The following GRM8 variants were observed in gnomAD, a reference collection of about 807,000 sequenced individuals.
GRM8 encodes the protein metabotropic glutamate receptor 8.
Under a neutral mutation model 87.2 loss-of-function variants are expected in GRM8, and 47 were observed. That is an observed-to-expected ratio of 0.54 (90% CI 0.43 to 0.69). GRM8 has a LOEUF of 0.69. GRM8 is among the 30% of genes least tolerant of loss of function. GRM8 has a pLI of 0.00. For synonymous variants in GRM8, 396 were observed against 404.5 expected (o/e 0.98, Z 0.25); for missense variants, 1,019 against 1,139.2 (o/e 0.89, Z 1.52).
chr7:126,797,726 T>A (rs1045231911), intron 6 of GRM8, among the ~76,000 whole-genome samples: 1 of 152,120 alleles, frequency 6.6e-6, no homozygotes, highest in Non-Finnish European at 1.5e-5. Context: ...GGTCTAATCA[T>A]TGTATAAAAA....
At chr7:127,185,129 T>G (rs1261572830) in intron 2 of GRM8, among the ~76,000 whole-genome samples, 1 of 152,094 alleles carries the variant, frequency 6.6e-6, no homozygotes, top group Non-Finnish European at 1.5e-5. Flanking sequence ...GTTTATCCAT[T>G]TAAGTTTTAA....
chr7:126,988,107 G>A (rs1342047102), intron 3 of GRM8, among the ~76,000 whole-genome samples: 1 of 152,000 alleles, frequency 6.6e-6, no homozygotes, highest in Non-Finnish European at 1.5e-5. Context: ...GATGCACTGA[G>A]CTTTTCAAAC....
intron 9 of GRM8, among the ~76,000 whole-genome samples, chr7:126,532,719 G>A (rs980958819): frequency 2.1e-5 from 3 of 141,030 alleles, no homozygotes; most frequent in Non-Finnish European, 3.0e-5. Flanking sequence ...GGAAAATCAG[G>A]CTTTGTCAAC....
intron 2 of GRM8, among the ~76,000 whole-genome samples, chr7:127,144,633 G>C (rs533474184): frequency 4.3e-4 from 66 of 152,180 alleles, no homozygotes; most frequent in African/African-American, 1.3e-3. Flanking sequence ...TTCAAATGTT[G>C]CTCAAATGAA....
intron 7 of GRM8, among the ~76,000 whole-genome samples, chr7:126,700,211 T>C (rs972843261): frequency 7.2e-5 from 11 of 152,120 alleles, no homozygotes; most frequent in African/African-American, 1.9e-4. Flanking sequence ...ATCTAGACAA[T>C]GAATGAATAT....
intron 2 of GRM8, among the ~76,000 whole-genome samples, chr7:127,120,455 A>G (rs1827014233): frequency 6.6e-6 from 1 of 152,224 alleles, no homozygotes; most frequent in African/African-American, 2.4e-5. Flanking sequence ...CCACAGCATC[A>G]GCATCACCTG....
chr7:126,568,534 C>A (rs2150979742), intron 8 of GRM8, among the ~76,000 whole-genome samples: 1 of 152,160 alleles, frequency 6.6e-6, no homozygotes, highest in Non-Finnish European at 1.5e-5. Flanking sequence ...CCTCTGCAGA[C>A]TATTATTTAA....
rs574034440 is a variant in GRM8, at chr7:126,709,566, C to T, written c.1357+60299G>A. Among the ~76,000 whole-genome samples the T allele has an allele frequency of 1.9e-4, 29 of 152,192 alleles. No homozygotes were observed. The South Asian group carries it at 5.6e-3, about 29-fold the overall frequency. ...TGTGGAGAAAATGAATCCTTGTACA[C>T]TGTTGGTGGGAATGTACTAGAACAG... is the stretch of plus-strand genomic sequence containing the variant. On this transcript the variant is annotated intron_variant, in intron 7 of 10. Transcript: ENST00000339582.
At chr7:127,124,500 T>G (rs1335853702) in intron 2 of GRM8, among the ~76,000 whole-genome samples, 2 of 152,186 alleles carry the variant, frequency 1.3e-5, no homozygotes, top group Non-Finnish European at 2.9e-5. Flanking sequence ...TGAGGTTCCC[T>G]GAGGCCTGAC....
intron 7 of GRM8, among the ~76,000 whole-genome samples, chr7:126,752,319 C>T (rs927719235): frequency 6.6e-6 from 1 of 152,036 alleles, no homozygotes; most frequent in African/African-American, 2.4e-5. Flanking sequence ...AAAAAAATGA[C>T]TATGAAAATT....
chr7:127,002,204 A>T (rs1247609362), intron 3 of GRM8, among the ~76,000 whole-genome samples: 1 of 151,692 alleles, frequency 6.6e-6, no homozygotes, highest in Non-Finnish European at 1.5e-5. Context: ...TCAGTAAAGA[A>T]GATTTTAAGA....
At chr7:126,871,210 C>G (rs1799065725) in intron 6 of GRM8, among the ~76,000 whole-genome samples, 1 of 152,016 alleles carries the variant, frequency 6.6e-6, no homozygotes, top group Non-Finnish European at 1.5e-5. Context: ...TGGAAAAGTC[C>G]ACAAAAATGA....
rs766004027 is a variant in GRM8 at position 127,177,151 on chromosome 7, T to C, written c.510+65544A>G. On this transcript the variant is annotated intron_variant, in intron 2 of 10. Transcript: ENST00000339582. ...CTCCGCCAGGAAACAGACTCGGGGC[T>C]ACTGGGGGTGGGGGCACAGTGGGAG... 6.6e-5 allele frequency among the ~76,000 whole-genome samples: 10 copies of C among 152,232 alleles called. No homozygotes were observed. In the East Asian group the frequency reaches 9.7e-4, roughly 15 times the overall value.
chr7:126,633,035 T>G (rs1801496544), intron 7 of GRM8, among the ~76,000 whole-genome samples: 2 of 152,038 alleles, frequency 1.3e-5, no homozygotes, highest in Non-Finnish European at 2.9e-5. Context: ...TTATTTTTAT[T>G]AAAAATACAT....
At chr7:126,660,948 G>A (rs1420096768) in intron 7 of GRM8, among the ~76,000 whole-genome samples, 1 of 152,104 alleles carries the variant, frequency 6.6e-6, no homozygotes, top group Non-Finnish European at 1.5e-5. Context: ...AAACAAATCA[G>A]GTTTTTCGAC....
intron 7 of GRM8, among the ~76,000 whole-genome samples, chr7:126,617,424 T>C (rs542391534): frequency 1.2e-3 from 178 of 152,324 alleles, no homozygotes; most frequent in Non-Finnish European, 2.3e-3. Context: ...AATATCATAC[T>C]GAATGGGCAA....
chr7:126,598,017 T>A (rs943071521), intron 8 of GRM8, among the ~76,000 whole-genome samples: 2 of 152,020 alleles, frequency 1.3e-5, no homozygotes, highest in Non-Finnish European at 2.9e-5. Context: ...TAGAACTCCT[T>A]CCTTCTAGCT....
intron 3 of GRM8, among the ~76,000 whole-genome samples, chr7:127,035,403 GTGAT>G (rs1377905929): frequency 6.6e-6 from 1 of 152,176 alleles, no homozygotes; most frequent in African/African-American, 2.4e-5. Flanking sequence ...AATTAACCAA[GTGAT>G]TGATTGACTG....
At chr7:126,666,991 G>A (rs894878794) in intron 7 of GRM8, among the ~76,000 whole-genome samples, 19 of 151,876 alleles carry the variant, frequency 1.3e-4, no homozygotes, top group African/African-American at 4.4e-4. Context: ...CCCAACAATA[G>A]GAATTTCAAA....
Sources: gnomAD v4.1 joint callset for allele counts (sites outside exome capture counted in the v4.1 genomes callset) on GRCh38, gnomAD v4.1.1 for gene constraint, MANE v1.5 for transcripts, NCBI Gene and HGNC (gene_info 2026-07-23, HGNC 2026-07-21) for gene names.